Variants in C1orf141 observed in about 807,000 individuals in gnomAD.
C1orf141 encodes the protein chromosome 1 open reading frame 141.
C1orf141 carries 19 observed loss-of-function variants against 23.2 expected under a neutral mutation model. The ratio of observed to expected loss-of-function variants is 0.82; its 90% CI spans 0.57 to 1.20. C1orf141 has a LOEUF of 1.20. C1orf141 is among the 50% of genes most tolerant of loss of function. The pLI, the probability that C1orf141 is intolerant of heterozygous loss-of-function variation, is 0.00. For synonymous variants in C1orf141, 153 were observed against 154.6 expected (o/e 0.99, Z 0.08); for missense variants, 469 against 455.1 (o/e 1.03, Z -0.28).
At chr1:67,139,841 T>A (rs1274873283), upstream of C1orf141, among the ~76,000 whole-genome samples, 1 of 152,194 alleles carries the variant, frequency 6.6e-6, no homozygotes, top group Non-Finnish European at 1.5e-5. Flanking sequence ...GCACCCAGCT[T>A]GGTGGGGCCT....
chr1:67,139,344 C>A (rs75774289), upstream of C1orf141, among the ~76,000 whole-genome samples: 73 of 152,234 alleles, frequency 4.8e-4, 1 homozygote, highest in East Asian at 0.013. Context: ...TTTGCTAGGC[C>A]AAGCACAGTG....
At chr1:67,126,432 G>A (rs796774131) in intron 3 of C1orf141, among the ~76,000 whole-genome samples, 63 of 152,242 alleles carry the variant, frequency 4.1e-4, no homozygotes, top group African/African-American at 1.2e-3. Flanking sequence ...TAAAGGAGCC[G>A]AAAGTTTTCT....
chr1:67,105,765 T>C (rs922765893), intron 5 of C1orf141, among the ~76,000 whole-genome samples: 1 of 152,188 alleles, frequency 6.6e-6, no homozygotes, highest in African/African-American at 2.4e-5. Context: ...CTGACTTGCA[T>C]GGGGTGGAGC....
intron 1 of C1orf141, among the ~76,000 whole-genome samples, chr1:67,141,182 T>C (rs888444037): frequency 1.2e-4 from 19 of 152,318 alleles, no homozygotes; most frequent in African/African-American, 1.7e-4. Flanking sequence ...TATAAGTCTC[T>C]GTTCAAAGAA....
At chr1:67,136,225 G>A (rs1477432089), upstream of C1orf141, among the ~76,000 whole-genome samples, 3 of 152,058 alleles carry the variant, frequency 2.0e-5, no homozygotes, top group Non-Finnish European at 4.4e-5. Flanking sequence ...TTTTTTGTAA[G>A]GACAGGGGTC....
chr1:67,110,565 G>C (rs552452112), intron 5 of C1orf141, among the ~76,000 whole-genome samples: 34 of 152,190 alleles, frequency 2.2e-4, no homozygotes, highest in African/African-American at 7.9e-4. Context: ...AGAAGAGGAA[G>C]CAGAGAATGA....
Position 67,092,874 on chromosome 1 carries a change from T to C in C1orf141, c.*131A>G. The C allele has an allele frequency of 1.4e-6, 1 of 704,444 alleles. No individual in the cohort carries two copies. Among genetic ancestry groups the C allele is most frequent in the Non-Finnish European group, 2.3e-6 (1 of 434,654 alleles). The allele number at this position is 704,444 out of a possible 1,614,324, so 43.6% of individuals were successfully genotyped here. A position where few individuals can be genotyped will look rare whatever the true frequency, so the allele number is the denominator to read the frequency against. On this transcript the variant is annotated 3_prime_UTR_variant, in exon 8 of 8. Coordinates refer to ENST00000684719, the MANE Select transcript of C1orf141 (RefSeq NM_001276351.2). ...TGAACAGACCACTGCTGACTTATAA[T>C]TCTAATGTCTATGCTTTGCTTTCTT...
intron 3 of C1orf141, among the ~76,000 whole-genome samples, chr1:67,126,677 C>G (rs1333812667): frequency 1.3e-5 from 2 of 152,168 alleles, no homozygotes; most frequent in East Asian, 3.8e-4. Context: ...TGAGGTCTAC[C>G]CTCTAATAGC....
In C1orf141 at chr1:67,123,212, A is replaced by T. The variant is rs1265081174; in HGVS notation, c.233+2540T>A. ...CAGAGCAAGACTCTATCTCAAAAAA[A>T]AAAAATAAATAAAAATAAAAGTTCA... On this transcript the variant is annotated intron_variant, in intron 4 of 7. Transcript: ENST00000684719. 11 of 77,188 alleles carry T rather than the reference A, an allele frequency of 1.4e-4. No homozygotes were observed. In the East Asian group the frequency reaches 1.5e-3, roughly 10 times the overall value. 4.8% of individuals were successfully genotyped at this position (77,188 alleles called of 1,614,324 possible).
At chr1:67,119,625 G>A (rs534903624) in intron 4 of C1orf141, among the ~76,000 whole-genome samples, 32 of 152,288 alleles carry the variant, frequency 2.1e-4, no homozygotes, top group South Asian at 2.1e-3. Context: ...GGTCAGTGTG[G>A]ATGTGTAACA....
At chr1:67,140,219 C>A (rs990160770) in intron 1 of C1orf141, among the ~76,000 whole-genome samples, 1 of 151,972 alleles carries the variant, frequency 6.6e-6, no homozygotes, top group African/African-American at 2.4e-5. Flanking sequence ...ACTATGCATG[C>A]AAAAGCAAAA....
chr1:67,127,079 T>C lies in C1orf141; in HGVS notation c.75+87A>G, dbSNP rs113062385. 677 of 814,370 alleles carry C rather than the reference T, an allele frequency of 8.3e-4. 2 individuals are homozygous for C. Among genetic ancestry groups the C allele is most frequent in the Non-Finnish European group, 1.2e-3 (606 of 515,470 alleles). The allele number at this position is 814,370 out of a possible 1,614,324, so 50.4% of individuals were successfully genotyped here. A position where few individuals can be genotyped will look rare whatever the true frequency, so the allele number is the denominator to read the frequency against. ...CAAATTAGTTTATATCATATTAATG[T>C]ATCATTAGCTAAAAAGTAAAATTAT... On this transcript the variant is annotated intron_variant, in intron 3 of 7. Transcript: ENST00000684719.
At chr1:67,130,862 C>T (rs568887341) in intron 2 of C1orf141, among the ~76,000 whole-genome samples, 2 of 152,322 alleles carry the variant, frequency 1.3e-5, no homozygotes, top group Admixed American at 6.5e-5. Flanking sequence ...TTTCTCCCAT[C>T]GGTCTTTGGC....
intron 5 of C1orf141, chr1:67,103,307 C>A: frequency 6.7e-7 from 1 of 1,492,728 alleles, no homozygotes; most frequent in Non-Finnish European, 9.0e-7. Context: ...GGAGAAAAGT[C>A]TGTAGAACCC....
chr1:67,113,305 G>T (rs1366850071), intron 5 of C1orf141, among the ~76,000 whole-genome samples: 1 of 152,094 alleles, frequency 6.6e-6, no homozygotes, highest in East Asian at 1.9e-4. Flanking sequence ...ATGAAGGCCA[G>T]GGAGGTAGGG....
intron 5 of C1orf141, among the ~76,000 whole-genome samples, chr1:67,112,770 AAC>A (rs1646102714): frequency 6.6e-6 from 1 of 152,198 alleles, no homozygotes; most frequent in African/African-American, 2.4e-5. Flanking sequence ...AACAGAAATA[AAC>A]ACACTTTGGT....
chr1:67,139,859 G>C (rs777395009), upstream of C1orf141, among the ~76,000 whole-genome samples: 1 of 152,192 alleles, frequency 6.6e-6, no homozygotes, highest in Non-Finnish European at 1.5e-5. Context: ...CCTTTAAAAG[G>C]TTCTTGGGTC....
intron 5 of C1orf141, among the ~76,000 whole-genome samples, chr1:67,097,831 A>G (rs1206734569): frequency 6.6e-6 from 1 of 152,162 alleles, no homozygotes; most frequent in Non-Finnish European, 1.5e-5. Context: ...GTGGTGGGAA[A>G]TCGTTGGCTT....
At chr1:67,110,663 T>C (rs1040206585) in intron 5 of C1orf141, among the ~76,000 whole-genome samples, 19 of 152,096 alleles carry the variant, frequency 1.2e-4, no homozygotes, top group Non-Finnish European at 8.8e-5. Context: ...ACTAAAATTT[T>C]ATAATTTTTA....
Sources: gnomAD v4.1 joint callset for allele counts (sites outside exome capture counted in the v4.1 genomes callset) on GRCh38, gnomAD v4.1.1 for gene constraint, MANE v1.5 for transcripts, NCBI Gene and HGNC (gene_info 2026-07-23, HGNC 2026-07-21) for gene names.